Variants in NEGR1 observed in about 807,000 individuals in gnomAD.
NEGR1 encodes the protein neuronal growth regulator 1.
In NEGR1, 10 loss-of-function variants were observed where a neutral mutation model predicts 40.9. The ratio of observed to expected loss-of-function variants is 0.24; its 90% confidence interval spans 0.15 to 0.42. The LOEUF is 0.42. Ranked by LOEUF, NEGR1 falls within the 10% of genes least tolerant of loss-of-function variation. The pLI, the probability that NEGR1 is intolerant of heterozygous loss-of-function variation, is 1.00. For synonymous variants in NEGR1, 185 were observed against 166.8 expected, an observed-to-expected ratio of 1.11 and a Z score of -0.84; for missense variants, 352 against 438.9, an observed-to-expected ratio of 0.80 and a Z score of 1.77.
chr1:71,723,491 T>C (rs1469737336), intron 3 of NEGR1, among the ~76,000 whole-genome samples: 1 of 152,108 alleles, frequency 6.6e-6, no homozygotes, highest in African/African-American at 2.4e-5. Flanking sequence ...ATTTAATCAA[T>C]CATGCCTGTG....
intron 2 of NEGR1, among the ~76,000 whole-genome samples, chr1:71,835,344 T>C (rs768206512): frequency 6.6e-6 from 1 of 152,100 alleles, no homozygotes. Context: ...CAAAGTCACA[T>C]TGCAAAGTTT....
chr1:71,478,434 C>T (rs779623346), intron 6 of NEGR1, among the ~76,000 whole-genome samples: 2 of 151,978 alleles, frequency 1.3e-5, no homozygotes, highest in East Asian at 1.9e-4. Flanking sequence ...TACAAAACAA[C>T]ATTTTTTGTA....
intron 1 of NEGR1, among the ~76,000 whole-genome samples, chr1:72,151,659 T>C (rs549864254): frequency 6.6e-6 from 1 of 151,926 alleles, no homozygotes; most frequent in South Asian, 2.1e-4. Context: ...ACGGGAAATA[T>C]AATAATTGTA....
rs746340485 is a variant in NEGR1, at chr1:71,592,833, C to T, written c.924G>A (p.Ala308=). Residue 308 remains alanine, a synonymous_variant, in exon 6 of 7, where the codon GCG becomes GCA. Transcript: ENST00000357731. The part of the protein sequence containing the change: ...VAANKLGTTN[A]SLPLNPPSTA... ...ATTACTTACGGTTAAGAGGCAGGCT[C>T]GCATTGGTTGTGCCTAGCTTGTTGG... 43 of 1,612,846 alleles carry T rather than the reference C, an allele frequency of 2.7e-5. No individual in the cohort carries two copies. Among genetic ancestry groups the T allele is most frequent in the East Asian group, 4.5e-5 (2 of 44,864 alleles).
At chr1:71,947,661 G>A (rs1027509585) in intron 1 of NEGR1, among the ~76,000 whole-genome samples, 6 of 152,076 alleles carry the variant, frequency 3.9e-5, no homozygotes, top group Non-Finnish European at 7.4e-5. Context: ...TTTGGGCCGT[G>A]GCCCATGGTA....
At chr1:72,131,953 G>T (rs535149313) in intron 1 of NEGR1, among the ~76,000 whole-genome samples, 1 of 152,062 alleles carries the variant, frequency 6.6e-6, no homozygotes, top group East Asian at 1.9e-4. Flanking sequence ...AAAAAAATTA[G>T]CCAGGCGTGG....
intron 2 of NEGR1, among the ~76,000 whole-genome samples, chr1:71,830,626 A>G (rs554877874): frequency 2.4e-4 from 36 of 152,062 alleles, no homozygotes; most frequent in African/African-American, 8.7e-4. Flanking sequence ...AATGTTAGTA[A>G]GAGTCAAAGA....
intron 6 of NEGR1, among the ~76,000 whole-genome samples, chr1:71,472,095 G>T (rs1646786528): frequency 6.6e-6 from 1 of 152,072 alleles, no homozygotes; most frequent in African/African-American, 2.4e-5. Context: ...ACATTTATGG[G>T]AAATATACAA....
intron 1 of NEGR1, among the ~76,000 whole-genome samples, chr1:72,216,386 T>TATATATATATACAC (rs1653814015): frequency 2.8e-5 from 1 of 36,176 alleles, no homozygotes; most frequent in African/African-American, 2.4e-4. Context: ...TATATATACA[T>TATATATATATACAC]ATATATATAT....
intron 2 of NEGR1, among the ~76,000 whole-genome samples, chr1:71,920,558 C>T (rs900916046): frequency 3.3e-5 from 5 of 152,120 alleles, no homozygotes; most frequent in African/African-American, 1.2e-4. Context: ...ACTCATTTGC[C>T]CCCAAGTCAG....
At chr1:71,704,843 T>C (rs1404914012) in intron 3 of NEGR1, among the ~76,000 whole-genome samples, 1 of 151,796 alleles carries the variant, frequency 6.6e-6, no homozygotes, top group African/African-American at 2.4e-5. Flanking sequence ...CCTAAGAACA[T>C]TGACACAAAA....
At chr1:72,098,531 G>A (rs1281833673) in intron 1 of NEGR1, among the ~76,000 whole-genome samples, 2 of 151,964 alleles carry the variant, frequency 1.3e-5, no homozygotes, top group South Asian at 2.1e-4. Flanking sequence ...CTCTCTGCTC[G>A]CCCATACAAA....
intron 6 of NEGR1, among the ~76,000 whole-genome samples, chr1:71,579,511 T>G (rs754044348): frequency 1.9e-4 from 29 of 152,178 alleles, no homozygotes; most frequent in Non-Finnish European, 3.8e-4. Context: ...ATGTGTTTTC[T>G]TCCTTTAAAT....
At chr1:71,702,963 G>A (rs980108469) in intron 3 of NEGR1, among the ~76,000 whole-genome samples, 18 of 152,032 alleles carry the variant, frequency 1.2e-4, no homozygotes, top group African/African-American at 4.3e-4. Context: ...TAGTGGTGCA[G>A]GTTTTAAAGA....
chr1:71,567,897 T>G (rs1339795731), intron 6 of NEGR1, among the ~76,000 whole-genome samples: 2 of 152,092 alleles, frequency 1.3e-5, no homozygotes, highest in African/African-American at 4.8e-5. Flanking sequence ...CATGTGAGGA[T>G]GCAACCAGAA....
At chr1:71,672,273 G>T (rs1019217426) in intron 4 of NEGR1, among the ~76,000 whole-genome samples, 3 of 152,020 alleles carry the variant, frequency 2.0e-5, no homozygotes, top group African/African-American at 7.2e-5. Flanking sequence ...AATGCTTTGG[G>T]TGAAGACAAA....
intron 6 of NEGR1, among the ~76,000 whole-genome samples, chr1:71,515,611 T>C (rs1461506600): frequency 3.8e-5 from 3 of 78,168 alleles, no homozygotes; most frequent in African/African-American, 2.1e-4. Context: ...TACCAGCCAC[T>C]GCAAAATCAT....
intron 2 of NEGR1, among the ~76,000 whole-genome samples, chr1:71,838,079 C>T (rs950269589): frequency 6.6e-6 from 1 of 151,898 alleles, no homozygotes; most frequent in African/African-American, 2.4e-5. Context: ...TCTTATTATC[C>T]CAGTTTCTAG....
Position 71,740,927 on chromosome 1 carries a change from C to G in NEGR1, c.535+35245G>C, listed in dbSNP as rs193227736. On this transcript the variant is annotated intron_variant, in intron 3 of 6. Transcript: ENST00000357731. ...TATTGATTTTCAGGTATTATTTGGT[C>G]AGGCTCCTGCTTTACTTCAGTGTGA... Among the ~76,000 whole-genome samples the G allele has an allele frequency of 3.0e-4, 46 of 152,244 alleles. No individual in the cohort carries two copies. The East Asian group carries it at 7.1e-3, about 24-fold the overall frequency.
Sources: allele counts gnomAD v4.1 joint callset (sites outside exome capture counted in the v4.1 genomes callset), GRCh38; gene constraint gnomAD v4.1.1; transcripts MANE v1.5; gene names NCBI Gene and HGNC (gene_info 2026-07-23, HGNC 2026-07-21).